CTSK: variants seen among roughly 807,000 people sequenced by gnomAD.
CTSK encodes cathepsin K, also known as cathepsin O.
A neutral mutation model predicts 40.5 loss-of-function variants in CTSK; 26 were observed. The ratio of observed to expected loss-of-function variants is 0.64; its 90% CI spans 0.47 to 0.89. CTSK has a LOEUF of 0.89. CTSK is among the 40% of genes least tolerant of loss of function. CTSK has a pLI of 0.00. For missense variants in CTSK, 292 were observed against 400.1 expected, an observed-to-expected ratio of 0.73 and a Z score of 2.30; for synonymous variants, 132 against 143.2, an observed-to-expected ratio of 0.92 and a Z score of 0.56.
intron 5 of CTSK, among the ~76,000 whole-genome samples, chr1:150,801,522 T>C (rs1653987868): frequency 6.6e-6 from 1 of 152,054 alleles, no homozygotes; most frequent in Admixed American, 6.5e-5. Context: ...ATTTTACTAA[T>C]TTTACTATAT....
At position 150,799,251 on chromosome 1, in the gene CTSK, G is replaced by A; in HGVS notation, c.807C>T (p.Cys269=). The A allele has an allele frequency of 1.2e-6, 2 of 1,612,430 alleles. No homozygotes were observed. The highest frequency in any genetic ancestry group is 1.1e-5 in the South Asian group (1 of 91,036). ...CTGCATGGTTCAGATTATCGCTATT[G>A]CAGCTTTCATCATAATACACACCTA... The part of the protein sequence containing the change: ...YSKGVYYDES[C]NSDNLNHAVL... Residue 269 remains cysteine, a synonymous_variant, in exon 7 of 8, where the codon TGC becomes TGT. Transcript: ENST00000271651.
chr1:150,801,701 G>C (rs923212188), intron 5 of CTSK, among the ~76,000 whole-genome samples: 1 of 151,440 alleles, frequency 6.6e-6, no homozygotes, highest in Non-Finnish European at 1.5e-5. Flanking sequence ...ACCACGCCCA[G>C]CTAATTTTTT....
chr1:150,798,833 C>T (rs1653924824), intron 7 of CTSK, among the ~76,000 whole-genome samples: 2 of 152,228 alleles, frequency 1.3e-5, no homozygotes. Context: ...GACATGCCTG[C>T]TCCCTCTTTT....
intron 5 of CTSK, among the ~76,000 whole-genome samples, chr1:150,803,474 G>A (rs1654030732): frequency 6.6e-6 from 1 of 152,154 alleles, no homozygotes; most frequent in Non-Finnish European, 1.5e-5. Context: ...AGCCCTATGT[G>A]TATAAAAAAC....
At chr1:150,806,375 G>A (rs1281168908) in intron 2 of CTSK, 151 bp from the exon 3 acceptor site, 15 of 931,348 alleles carry the variant, frequency 1.6e-5, no homozygotes, top group Middle Eastern at 3.4e-4. Flanking sequence ...CCTGCAAGAA[G>A]AGATAATATG....
Position 150,799,194 on chromosome 1 carries a change from T to C in CTSK, c.864A>G (p.Gly288=). ...TGTTTTTAATTATCCAGTGCTTGTT[T>C]CCCTTCTGGATTCCATATCCCACTG... is the stretch of plus-strand genomic sequence containing the variant. The part of the protein sequence containing the change: ...VLAVGYGIQK[G]NKHWIIKNSW... Residue 288 remains glycine (G), a synonymous_variant, in exon 7 of 8, where the codon GGA becomes GGG. Transcript: ENST00000271651. 6.2e-7 allele frequency: 1 copy of C among 1,611,976 alleles called. No individual in the cohort carries two copies. Among genetic ancestry groups the C allele is most frequent in the Admixed American group, 1.7e-5 (1 of 60,026 alleles).
intron 1 of CTSK, among the ~76,000 whole-genome samples, chr1:150,807,025 C>CTCTCTCTCTCTCTCTCTT (rs59080032): frequency 1.2e-4 from 18 of 151,006 alleles, no homozygotes; most frequent in Admixed American, 4.0e-4. Context: ...CTCTCTCTCT[C>CTCTCTCTCTCTCTCTCTT]GGGAGATTTA....
intron 5 of CTSK, among the ~76,000 whole-genome samples, chr1:150,801,284 A>C (rs193101572): frequency 7.2e-5 from 11 of 151,782 alleles, no homozygotes; most frequent in Admixed American, 4.6e-4. Flanking sequence ...ACACCTGGCT[A>C]ATTTTTGTAT....
At chr1:150,796,995 A>T in intron 7 of CTSK, 97 bp from the exon 8 acceptor site, 1 of 863,920 alleles carries the variant, frequency 1.2e-6, no homozygotes, top group Admixed American at 1.9e-5. Context: ...GGTACACAAA[A>T]ATGAATATGA....
chr1:150,798,165 T>G (rs1291093097), intron 7 of CTSK, among the ~76,000 whole-genome samples: 1 of 152,198 alleles, frequency 6.6e-6, no homozygotes, highest in East Asian at 1.9e-4. Flanking sequence ...ACCCTGGAGT[T>G]TTCTTTGTTC....
In CTSK at chr1:150,796,822, G is replaced by A; in HGVS notation, c.967C>T (p.Leu323=). 1.2e-6 allele frequency: 2 copies of A among 1,613,950 alleles called. No individual in the cohort carries two copies. Among genetic ancestry groups the A allele is most frequent in the Non-Finnish European group, 1.7e-6 (2 of 1,179,814 alleles). ...NKNNACGIAN[L]ASFPKM is the part of the protein sequence containing the mutation. ...AGTCACATCTTGGGGAAGCTGGCCA[G>A]GTTGGCAATGCCACAGGCGTTGTTC... The change falls in exon 8 of 8, where the codon CTG becomes TTG. Residue 323 remains leucine, a synonymous_variant. Coordinates refer to ENST00000271651, the MANE Select transcript of CTSK (RefSeq NM_000396.4).
In CTSK at chr1:150,799,534, A is replaced by G. The variant is rs1273809989; in HGVS notation, c.784+10T>C. 1 of 1,614,188 alleles carries G rather than the reference A, an allele frequency of 6.2e-7. No homozygotes were observed. The highest frequency in any genetic ancestry group is 8.5e-7 in the Non-Finnish European group (1 of 1,179,998). ...AAAGACAGTGCTGTATAGGATCAGCAGCTTCTTACCTTTGCTGTAAAACTG... is the reference window on the plus strand; with the variant it reads ...AAAGACAGTGCTGTATAGGATCAGCGGCTTCTTACCTTTGCTGTAAAACTG... On this transcript the variant is annotated intron_variant, in intron 6 of 7. Transcript: ENST00000271651.
intron 2 of CTSK, 116 bp downstream of exon 2, chr1:150,806,570 G>T: frequency 7.5e-7 from 1 of 1,325,768 alleles, no homozygotes. Context: ...AGTTAGGGAA[G>T]AGGGACTGAT....
At chr1:150,798,252 G>A (rs1653912458) in intron 7 of CTSK, among the ~76,000 whole-genome samples, 1 of 151,924 alleles carries the variant, frequency 6.6e-6, no homozygotes, top group Non-Finnish European at 1.5e-5. Context: ...CACAATCTTT[G>A]GCAAGTTCTT....
At position 150,807,080 on chromosome 1, in the gene CTSK, T is replaced by A. The variant is rs4970977; in HGVS notation, c.-1-274A>T. On this transcript the variant is annotated intron_variant, in intron 1 of 7. Coordinates refer to ENST00000271651, the MANE Select transcript of CTSK (RefSeq NM_000396.4). ...GTTTCTCTCTCTGTCTCTCTCTCTC[T>A]CACACACACACACACACACACACAC... Among the ~76,000 whole-genome samples the A allele has an allele frequency of 0.31, 20,954 of 68,682 alleles. 1,805 individuals carry two copies. The highest frequency in any genetic ancestry group is 0.52 in the Middle Eastern group (70 of 134). 45.1% of individuals were successfully genotyped at this position (68,682 alleles called of 152,430 possible). A position where few individuals can be genotyped will look rare whatever the true frequency, so the allele number is the denominator to read the frequency against.
chr1:150,800,113 C>T (rs1415078309), intron 5 of CTSK, among the ~76,000 whole-genome samples: 9 of 138,472 alleles, frequency 6.5e-5, no homozygotes, highest in African/African-American at 2.4e-4. Context: ...AGGAGAATGG[C>T]GTGAACCTGG....
Position 150,799,524 on chromosome 1 carries a change from T to C in CTSK, c.784+20A>G. On this transcript the variant is annotated intron_variant, in intron 6 of 7. Coordinates refer to ENST00000271651, the MANE Select transcript of CTSK (RefSeq NM_000396.4). ...TTGTATCATAAAAGACAGTGCTGTA[T>C]AGGATCAGCAGCTTCTTACCTTTGC... is the stretch of plus-strand genomic sequence containing the variant. 1.2e-6 allele frequency: 2 copies of C among 1,613,188 alleles called. No individual in the cohort carries two copies. The highest frequency in any genetic ancestry group is 2.2e-5 in the South Asian group (2 of 91,070).
At chr1:150,806,456 A>ACT (rs771874093) in intron 2 of CTSK, among the ~76,000 whole-genome samples, 30 of 152,318 alleles carry the variant, frequency 2.0e-4, no homozygotes, top group South Asian at 8.3e-4. Context: ...TAATCTTAGA[A>ACT]CTCTTCCCAA....
At chr1:150,807,531 C>G in intron 1 of CTSK, 1 of 356,568 alleles carries the variant, frequency 2.8e-6, no homozygotes, top group South Asian at 2.2e-5. Context: ...AACAAAAACC[C>G]ACTGTGGCTG....
Sources: gnomAD v4.1 joint callset for allele counts (sites outside exome capture counted in the v4.1 genomes callset) on GRCh38, gnomAD v4.1.1 for gene constraint, MANE v1.5 for transcripts, NCBI Gene and HGNC (gene_info 2026-07-23, HGNC 2026-07-21) for gene names.